Variants in ELF4 observed in about 807,000 individuals in gnomAD.
ELF4 encodes the protein ETS-related transcription factor Elf-4.
Under a neutral mutation model 31.7 loss-of-function variants are expected in ELF4, and 10 were observed. The observed-to-expected ratio is 0.32, with a 90% CI of 0.19 to 0.54. The LOEUF is 0.54. Among genes scored for constraint, ELF4 ranks in the 20% least tolerant of loss-of-function variants. The probability of loss-of-function intolerance (pLI) is 0.95; values close to 1 mark genes in which losing one functional copy is unlikely to be tolerated. For synonymous variants in ELF4, 208 were observed against 226.7 expected, an observed-to-expected ratio of 0.92 and a Z score of 0.74; for missense variants, 418 against 522.0, an observed-to-expected ratio of 0.80 and a Z score of 1.94.
intron 4 of ELF4, 118 bp from the exon 5 acceptor site, chrX:130,072,535 A>G: frequency 1.4e-6 from 1 of 718,515 alleles, no homozygotes; most frequent in Non-Finnish European, 2.1e-6. Context: ...CCCCAGCCCC[A>G]GACACAGGAT....
In ELF4 at chrX:130,067,368, C is replaced by T; in HGVS notation, c.1345G>A (p.Ala449Thr). The change falls in exon 9 of 9, where the codon GCG becomes ACG. Residue 449 changes from alanine (A) to threonine (T), a missense_variant. Around this residue, in one of 4 missense-constraint regions of ELF4, gnomAD observed 260 missense variants for 269.2 expected, o/e 0.97. Coordinates refer to ENST00000308167, the MANE Select transcript of ELF4 (RefSeq NM_001421.4). ...PTQLVLQSVP[A>T]ASTFKDTFTL... ...AAGGTGTCCTTGAAAGTAGAGGCCG[C>T]TGGAACACTCTGGAGAACGAGCTGA... The T allele has an allele frequency of 8.3e-7, 1 of 1,211,807 alleles. No individual in the cohort carries two copies. Among genetic ancestry groups the T allele is most frequent in the Non-Finnish European group, 1.1e-6 (1 of 895,497 alleles).
chrX:130,106,055 C>T (rs908896923), intron 1 of ELF4, among the ~76,000 whole-genome samples: 4 of 111,352 alleles, frequency 3.6e-5, no homozygotes, highest in African/African-American at 1.3e-4. Context: ...GCCAAACAAT[C>T]ATCCAGGCTT....
chrX:130,072,172 C>CA, intron 5 of ELF4, 54 bp downstream of exon 5: 2 of 1,150,105 alleles, frequency 1.7e-6, no homozygotes, highest in South Asian at 1.8e-5. Flanking sequence ...ACCGCCCCCC[C>CA]ACGCCCCGCC....
chrX:130,078,760 TCTACAC>T (rs746113325), intron 2 of ELF4, among the ~76,000 whole-genome samples: 11 of 76,416 alleles, frequency 1.4e-4, no homozygotes, highest in African/African-American at 4.2e-4. Context: ...TCTCTCTCTC[TCTACAC>T]ACACACACAC....
rs376272968 is a variant in ELF4 at position 130,071,240 on chromosome X, G to A, written c.617-8C>T. The A allele has an allele frequency of 4.1e-6, 5 of 1,210,028 alleles. No individual in the cohort carries two copies. The African/African-American group carries it at 8.7e-5, about 21-fold the overall frequency. On this transcript the variant is annotated splice_region_variant and splice_polypyrimidine_tract_variant and intron_variant, in intron 6 of 8. Transcript: ENST00000308167. ...ACAGATAGATGGTGCTGCCTGCAGA[G>A]GGGCAGGCCGTGAGGGGCAGCCTGG...
chrX:130,103,805 A>G (rs1933326885), intron 1 of ELF4, among the ~76,000 whole-genome samples: 1 of 112,138 alleles, frequency 8.9e-6, no homozygotes, highest in Non-Finnish European at 1.9e-5. Flanking sequence ...AGTTTATCCT[A>G]GGCTGCCTGT....
At chrX:130,073,911 A>T (rs947424272) in intron 4 of ELF4, 138 bp downstream of exon 4, 4 of 608,762 alleles carry the variant, frequency 6.6e-6, no homozygotes, top group Non-Finnish European at 1.1e-5. Flanking sequence ...CAAAAAGATA[A>T]AAGTCATATG....
chrX:130,072,482 TGGAGAGACG>T, intron 4 of ELF4, 65 bp from the exon 5 acceptor site: 2 of 1,121,736 alleles, frequency 1.8e-6, no homozygotes, highest in Non-Finnish European at 2.5e-6. Context: ...CTCCCAGCGC[TGGAGAGACG>T]GGTAGGTTCC....
At chrX:130,091,288 C>T (rs1933052859) in intron 1 of ELF4, among the ~76,000 whole-genome samples, 2 of 110,019 alleles carry the variant, frequency 1.8e-5, no homozygotes, top group South Asian at 3.9e-4. Flanking sequence ...ATTAGTTGGG[C>T]ATGGTTGTGG....
At chrX:130,110,555 C>A (rs1254410742), upstream of ELF4, 1 of 109,075 alleles carries the variant, frequency 9.2e-6, no homozygotes, top group Non-Finnish European at 1.9e-5. Flanking sequence ...CCGTCCCCCG[C>A]CCTCCTCCCC....
chrX:130,067,401 C>A lies in ELF4; in HGVS notation c.1312G>T (p.Ala438Ser). 1 of 1,212,048 alleles carries A rather than the reference C, an allele frequency of 8.3e-7. No homozygotes were observed. The highest frequency in any genetic ancestry group is 1.7e-5 in the African/African-American group (1 of 57,882). Reference protein sequence around the residue: ...LTNGPPASTTAPTQLVLQSVP... With the variant: ...LTNGPPASTTSPTQLVLQSVP... ...CTCTGGAGAACGAGCTGAGTGGGAG[C>A]AGTAGTACTGGCAGGAGGCCCATTG... Residue 438 changes from alanine to serine, a missense_variant, in exon 9 of 9, where the codon GCT (alanine) becomes TCT (serine). Ala to Ser is a moderately conservative substitution (Grantham distance 99). Coordinates refer to ENST00000308167, the MANE Select transcript of ELF4 (RefSeq NM_001421.4).
At position 130,081,462 on chromosome X, in the gene ELF4, G is replaced by A. The variant is rs1318916955; in HGVS notation, c.-132C>T. The A allele has an allele frequency of 8.5e-6, 6 of 703,761 alleles. No homozygotes were observed. Among genetic ancestry groups the A allele is most frequent in the Non-Finnish European group, 1.3e-5 (6 of 453,453 alleles). The allele number at this position is 703,761 out of a possible 1,213,427, so 58.0% of individuals were successfully genotyped here. On this transcript the variant is annotated 5_prime_UTR_variant, in exon 2 of 9. Coordinates refer to ENST00000308167, the MANE Select transcript of ELF4 (RefSeq NM_001421.4). ...CCCCTGAGCTGCAGTAAAATAGGGG[G>A]TGGAGAGAGCTGGAGTAGGTGGTGG...
At chrX:130,077,159 A>G (rs1215947139) in intron 2 of ELF4, among the ~76,000 whole-genome samples, 1 of 111,840 alleles carries the variant, frequency 8.9e-6, no homozygotes, top group African/African-American at 3.3e-5. Flanking sequence ...ATTTAGAGGT[A>G]AATAAAAACT....
chrX:130,077,740 G>A (rs961249155), intron 2 of ELF4, among the ~76,000 whole-genome samples: 18 of 112,077 alleles, frequency 1.6e-4, no homozygotes, highest in Non-Finnish European at 2.4e-4. Flanking sequence ...TAAAATGAGA[G>A]TGATCACATG....
intron 1 of ELF4, among the ~76,000 whole-genome samples, chrX:130,090,924 C>G (rs945376080): frequency 9.0e-6 from 1 of 111,527 alleles, no homozygotes; most frequent in Admixed American, 9.5e-5. Flanking sequence ...GTAATCCTCC[C>G]GCCTCAGCCT....
intron 1 of ELF4, among the ~76,000 whole-genome samples, chrX:130,103,008 C>CA (rs1010523560): frequency 9.2e-6 from 1 of 109,217 alleles, no homozygotes; most frequent in African/African-American, 3.4e-5. Flanking sequence ...GGATCCATAC[C>CA]ACTCAACATA....
At chrX:130,106,610 C>A (rs1933383882) in intron 1 of ELF4, among the ~76,000 whole-genome samples, 1 of 111,695 alleles carries the variant, frequency 9.0e-6, no homozygotes, top group African/African-American at 3.3e-5. Flanking sequence ...GCCCCTGACC[C>A]CTAGGAAAGC....
At chrX:130,072,838 G>C (rs922304163) in intron 4 of ELF4, among the ~76,000 whole-genome samples, 23 of 111,932 alleles carry the variant, frequency 2.1e-4, no homozygotes, top group Admixed American at 1.6e-3. Context: ...CAGCAAGTTG[G>C]TGCCCGGTAC....
chrX:130,107,005 A>G (rs1933391044), intron 1 of ELF4, among the ~76,000 whole-genome samples: 1 of 112,424 alleles, frequency 8.9e-6, no homozygotes, highest in African/African-American at 3.2e-5. Flanking sequence ...GCCAGGAGCA[A>G]TGGCTCACGC....
Sources: allele counts gnomAD v4.1 joint callset (sites outside exome capture counted in the v4.1 genomes callset), GRCh38; gene constraint gnomAD v4.1.1; regional missense constraint gnomAD v4.1.1; transcripts MANE v1.5; gene names NCBI Gene and HGNC (gene_info 2026-07-23, HGNC 2026-07-21).